The following RYR2 variants were observed in gnomAD, a reference collection of about 807,000 sequenced individuals.
The protein encoded by RYR2 is ryanodine receptor 2, also known as cardiac muscle ryanodine receptor-calcium release channel.
In RYR2, 227 loss-of-function variants were observed where a neutral mutation model predicts 601.1. That is an observed-to-expected ratio of 0.38 (90% CI 0.34 to 0.42). RYR2 has a LOEUF of 0.42. Among genes scored for constraint, RYR2 ranks in the 10% least tolerant of loss-of-function variants. The pLI is 1.00. For missense variants in RYR2, 4,646 were observed against 6,156.5 expected (o/e 0.75, Z 8.21); for synonymous variants, 2,223 against 2,175.1 (o/e 1.02, Z -0.61).
At chr1:237,589,262 A>T (rs1465816309) in intron 29 of RYR2, among the ~76,000 whole-genome samples, 4 of 152,222 alleles carry the variant, frequency 2.6e-5, no homozygotes, top group Non-Finnish European at 5.9e-5. Context: ...AACTATTAGT[A>T]GATGGAAAAC....
At chr1:237,675,635 C>T (rs1685329302) in intron 60 of RYR2, among the ~76,000 whole-genome samples, 1 of 152,132 alleles carries the variant, frequency 6.6e-6, no homozygotes, top group South Asian at 2.1e-4. Context: ...TTAACACTCA[C>T]TCCTTTTGTC....
intron 1 of RYR2, among the ~76,000 whole-genome samples, chr1:237,176,009 A>T (rs1572101759): frequency 6.6e-6 from 1 of 151,934 alleles, no homozygotes; most frequent in South Asian, 2.1e-4. Context: ...AGGTGGGAGG[A>T]TTGCTTGAGC....
At chr1:237,230,272 A>G (rs1055835230) in intron 1 of RYR2, among the ~76,000 whole-genome samples, 1 of 152,162 alleles carries the variant, frequency 6.6e-6, no homozygotes, top group Non-Finnish European at 1.5e-5. Flanking sequence ...AATGTTACCA[A>G]TATTATCCCT....
At chr1:237,278,885 C>T (rs1690567714) in intron 2 of RYR2, among the ~76,000 whole-genome samples, 1 of 152,082 alleles carries the variant, frequency 6.6e-6, no homozygotes, top group African/African-American at 2.4e-5. Context: ...ACTTTATAAT[C>T]AGTAAAATAT....
intron 100 of RYR2, among the ~76,000 whole-genome samples, chr1:237,814,719 T>C (rs1661606432): frequency 6.6e-6 from 1 of 151,528 alleles, no homozygotes; most frequent in African/African-American, 2.4e-5. Context: ...AGCCAGGGAG[T>C]CTGACTTGAC....
intron 22 of RYR2, 21 bp downstream of exon 22, chr1:237,503,526 G>A (rs1664883613): frequency 6.2e-7 from 1 of 1,609,624 alleles, no homozygotes; most frequent in Non-Finnish European, 8.5e-7. Flanking sequence ...CCACTCGAAT[G>A]GCAATCACTG....
At position 237,418,360 on chromosome 1, in the gene RYR2, A is replaced by G. The variant is rs186739509; in HGVS notation, c.848+1237A>G. On this transcript the variant is annotated intron_variant, in intron 11 of 104. Coordinates refer to ENST00000366574, the MANE Select transcript of RYR2 (RefSeq NM_001035.3). ...CTCGGCCTAGTATAACTACCTTTAT[A>G]GACATTTTATTTTGAGATTATTGCC... 4.6e-3 allele frequency among the ~76,000 whole-genome samples: 700 copies of G among 152,218 alleles called. 11 individuals carry two copies. The highest frequency in any genetic ancestry group is 0.016 in the African/African-American group (675 of 41,544).
At chr1:237,095,280 C>G (rs1162597132) in intron 1 of RYR2, among the ~76,000 whole-genome samples, 2 of 152,104 alleles carry the variant, frequency 1.3e-5, no homozygotes, top group East Asian at 1.9e-4. Flanking sequence ...GGGTTGGGTA[C>G]CGTACATTTC....
At chr1:237,166,084 A>C (rs995086799) in intron 1 of RYR2, among the ~76,000 whole-genome samples, 7 of 152,172 alleles carry the variant, frequency 4.6e-5, no homozygotes, top group Non-Finnish European at 8.8e-5. Context: ...ATGACCCACT[A>C]TCAGCATGGT....
chr1:237,464,529 T>A (rs1659844823), intron 16 of RYR2, among the ~76,000 whole-genome samples: 1 of 152,062 alleles, frequency 6.6e-6, no homozygotes, highest in Non-Finnish European at 1.5e-5. Flanking sequence ...TATTTTGGAA[T>A]AAGAAAATGT....
intron 72 of RYR2, 30 bp from the exon 73 acceptor site, chr1:237,718,432 T>A (rs1689438839): frequency 1.7e-6 from 2 of 1,205,964 alleles, no homozygotes; most frequent in Middle Eastern, 1.9e-4. Context: ...AATAGAAGAC[T>A]CCTTTTAGGT....
chr1:237,235,258 G>A lies in RYR2; in HGVS notation c.49-35239G>A, dbSNP rs547908703. On this transcript the variant is annotated intron_variant, in intron 1 of 104. Coordinates refer to ENST00000366574, the MANE Select transcript of RYR2 (RefSeq NM_001035.3). ...AGGCTCTTGTCAGGCTCTTGAGGTC[G>A]GATCTAGCCTTTCCCAAGTTGCTCT... is the stretch of plus-strand genomic sequence containing the variant. Among the ~76,000 whole-genome samples the A allele has an allele frequency of 3.9e-5, 6 of 152,288 alleles. No individual in the cohort carries two copies. The South Asian group carries it at 6.2e-4, about 16-fold the overall frequency.
intron 25 of RYR2, among the ~76,000 whole-genome samples, chr1:237,545,726 A>G (rs1669724759): frequency 6.6e-6 from 1 of 151,798 alleles, no homozygotes; most frequent in South Asian, 2.1e-4. Context: ...TGCATTTGAA[A>G]TGCAGTGGGA....
At chr1:237,657,530 C>T (rs539242094) in intron 53 of RYR2, among the ~76,000 whole-genome samples, 12 of 151,870 alleles carry the variant, frequency 7.9e-5, no homozygotes, top group African/African-American at 2.9e-4. Context: ...ATACCAGTAA[C>T]ATTTACAGTG....
At chr1:237,392,488 A>C (rs1237662274) in intron 10 of RYR2, among the ~76,000 whole-genome samples, 2 of 151,298 alleles carry the variant, frequency 1.3e-5, no homozygotes, top group Non-Finnish European at 2.9e-5. Context: ...AAACTTAAAT[A>C]GGCTTTCATT....
rs373619634 is a variant in RYR2, at chr1:237,058,905, A to T, written c.48+16336A>T. Among the ~76,000 whole-genome samples the T allele has an allele frequency of 7.9e-5, 12 of 152,282 alleles. No individual in the cohort carries two copies. The East Asian group carries it at 1.7e-3, about 22-fold the overall frequency. ...TAGAGTGATAAAAAAAAAACCTGCCATATCTACTGCTTATTGAACATTCTC... is the reference window on the plus strand; with the variant it reads ...TAGAGTGATAAAAAAAAAACCTGCCTTATCTACTGCTTATTGAACATTCTC... On this transcript the variant is annotated intron_variant, in intron 1 of 104. Transcript: ENST00000366574.
chr1:237,619,662 G>A (rs888023403), intron 38 of RYR2, among the ~76,000 whole-genome samples: 3 of 145,414 alleles, frequency 2.1e-5, no homozygotes, highest in South Asian at 2.1e-4. Flanking sequence ...AATCTTTACC[G>A]AGACACATCA....
At chr1:237,466,466 G>T (rs757704057) in intron 16 of RYR2, among the ~76,000 whole-genome samples, 1 of 152,062 alleles carries the variant, frequency 6.6e-6, no homozygotes, top group Non-Finnish European at 1.5e-5. Flanking sequence ...TACGCCTGGT[G>T]TAATGCCCTT....
At position 237,082,719 on chromosome 1, in the gene RYR2, T is replaced by A. The variant is rs1473328364; in HGVS notation, c.48+40150T>A. Among the ~76,000 whole-genome samples the A allele has an allele frequency of 2.0e-5, 3 of 151,854 alleles. No homozygotes were observed. In the East Asian group the frequency reaches 5.8e-4, roughly 29 times the overall value. The stretch of plus-strand genomic sequence containing the variant: ...TTAGTTTCTGTGAGTTTCTTCTATA[T>A]GTAACAAGTGTTAAATTGGACCCTG... On this transcript the variant is annotated intron_variant, in intron 1 of 104. Coordinates refer to ENST00000366574, the MANE Select transcript of RYR2 (RefSeq NM_001035.3).
Sources: gnomAD v4.1 joint callset for allele counts (sites outside exome capture counted in the v4.1 genomes callset) on GRCh38, gnomAD v4.1.1 for gene constraint, MANE v1.5 for transcripts, NCBI Gene and HGNC (gene_info 2026-07-23, HGNC 2026-07-21) for gene names.